UNC13C: variants seen among roughly 807,000 people sequenced by gnomAD.
UNC13C encodes unc-13 homolog C, also known as protein unc-13 homolog C.
UNC13C carries 174 observed loss-of-function variants against 245.4 expected under a neutral mutation model. The ratio of observed to expected loss-of-function variants is 0.71; its 90% CI spans 0.63 to 0.80. UNC13C has a LOEUF of 0.80. Ranked by LOEUF, UNC13C falls within the 30% of genes least tolerant of loss-of-function variation. The probability of loss-of-function intolerance (pLI) is 0.00; values close to 1 mark genes in which losing one functional copy is unlikely to be tolerated. For missense variants in UNC13C, 2,829 were observed against 2,602.9 expected (o/e 1.09, Z -1.89); for synonymous variants, 992 against 895.1 (o/e 1.11, Z -1.93).
At chr15:54,578,802 C>T (rs886358718) in intron 30 of UNC13C, among the ~76,000 whole-genome samples, 9 of 152,158 alleles carry the variant, frequency 5.9e-5, no homozygotes, top group African/African-American at 1.7e-4. Context: ...GTCAGCAGTT[C>T]GAGACCAGCC....
chr15:54,382,298 G>A (rs1398222338), intron 17 of UNC13C, among the ~76,000 whole-genome samples: 2 of 152,120 alleles, frequency 1.3e-5, no homozygotes, highest in East Asian at 1.9e-4. Flanking sequence ...CAAAAAGTGA[G>A]GCTGGGCTCA....
Position 54,437,493 on chromosome 15 carries a change from T to C in UNC13C, c.4933+22426T>C, listed in dbSNP as rs112633923. ...TGTTCACATTACAGCTTTTCCTTCCTTAGATCTATCTAGTTTGTTTATTTT... is the reference window on the plus strand; with the variant it reads ...TGTTCACATTACAGCTTTTCCTTCCCTAGATCTATCTAGTTTGTTTATTTT... On this transcript the variant is annotated intron_variant, in intron 19 of 32. Transcript: ENST00000260323. Among the ~76,000 whole-genome samples, 601 of 152,094 alleles carry C rather than the reference T, an allele frequency of 4.0e-3. 4 individuals carry two copies. The highest frequency in any genetic ancestry group is 0.014 in the African/African-American group (577 of 41,550).
chr15:54,356,547 C>G (rs1030092328), intron 17 of UNC13C, among the ~76,000 whole-genome samples: 4 of 152,138 alleles, frequency 2.6e-5, no homozygotes, highest in African/African-American at 7.2e-5. Flanking sequence ...GTGGGATATG[C>G]TCTCTGCTTC....
intron 2 of UNC13C, among the ~76,000 whole-genome samples, chr15:54,134,049 C>CGTGTGT (rs3082223): frequency 0.013 from 1,999 of 149,552 alleles, 18 homozygotes; most frequent in African/African-American, 0.029. Context: ...TACTGAGTTA[C>CGTGTGT]GTGTGTGTGT....
chr15:54,073,729 G>A (rs975632668), intron 2 of UNC13C, among the ~76,000 whole-genome samples: 1 of 152,056 alleles, frequency 6.6e-6, no homozygotes, highest in Non-Finnish European at 1.5e-5. Flanking sequence ...TGATGGGGTT[G>A]TTTTTTTCTT....
Position 54,500,852 on chromosome 15 carries a change from G to C in UNC13C, c.5175G>C (p.Glu1725Asp). 6.2e-7 allele frequency: 1 copy of C among 1,612,864 alleles called. No homozygotes were observed. The highest frequency in any genetic ancestry group is 1.1e-5 in the South Asian group (1 of 91,052). Residue 1725 changes from glutamate to aspartate, a missense_variant, in exon 22 of 33, where the codon GAG becomes GAC. Coordinates refer to ENST00000260323, the MANE Select transcript of UNC13C (RefSeq NM_001080534.3). ...DKKDGFQQTS[E>D]HALFSCSVVD... is the part of the protein sequence containing the mutation. ...CCCCACAGTTCCAGCAGACATCTGA[G>C]CATGCTCTCTTTTCTTGCTCCGTGG...
At position 54,264,715 on chromosome 15, in the gene UNC13C, T is replaced by C. The variant is rs564759333; in HGVS notation, c.3676+320T>C. 7.5e-4 allele frequency among the ~76,000 whole-genome samples: 114 copies of C among 151,950 alleles called. 1 individual carries two copies. The highest frequency in any genetic ancestry group is 2.6e-3 in the African/African-American group (109 of 41,486). On this transcript the variant is annotated intron_variant, in intron 9 of 32. Coordinates refer to ENST00000260323, the MANE Select transcript of UNC13C (RefSeq NM_001080534.3). ...ATTATAACAGTAGCTAATAATCTGT[T>C]CAGTTAATCTTTTTAAATGAGAAAA...
At chr15:54,187,543 G>A (rs1017323876) in intron 4 of UNC13C, among the ~76,000 whole-genome samples, 5 of 152,066 alleles carry the variant, frequency 3.3e-5, no homozygotes, top group African/African-American at 1.2e-4. Flanking sequence ...CATTGTCTCT[G>A]ATACCCCTCT....
chr15:54,459,795 T>G (rs1413305239), intron 19 of UNC13C, among the ~76,000 whole-genome samples: 1 of 152,118 alleles, frequency 6.6e-6, no homozygotes, highest in Non-Finnish European at 1.5e-5. Flanking sequence ...TTTGCATCCA[T>G]ATTCTTTTTT....
At position 54,458,680 on chromosome 15, in the gene UNC13C, CTT is replaced by C. The variant is rs79291504; in HGVS notation, c.4934-35906_4934-35905del. 9.6e-3 allele frequency among the ~76,000 whole-genome samples: 635 copies of C among 65,940 alleles called. 4 individuals carry two copies. Among genetic ancestry groups the C allele is most frequent in the Middle Eastern group, 0.024 (1 of 42 alleles). 43.3% of individuals were successfully genotyped at this position (65,940 alleles called of 152,430 possible). A position where few individuals can be genotyped will look rare whatever the true frequency, so the allele number is the denominator to read the frequency against. On this transcript the variant is annotated intron_variant, in intron 19 of 32. Transcript: ENST00000260323. ...TTTTAAACTATTGTTCCTTTAAGGTCTTTTTTTTTTTTTTTTTTTTTTTAAGG... is the reference window on the plus strand; with the variant it reads ...TTTTAAACTATTGTTCCTTTAAGGTCTTTTTTTTTTTTTTTTTTTTTAAGG...
chr15:53,924,541 T>A, the UNC13C span, among the ~76,000 whole-genome samples: 6,785 of 152,282 alleles, frequency 0.045, 319 homozygotes, highest in East Asian at 0.22. Context: ...GAGGGTGCAC[T>A]GTATTTTTAG....
intron 19 of UNC13C, among the ~76,000 whole-genome samples, chr15:54,478,532 A>G (rs563532672): frequency 6.7e-4 from 101 of 151,490 alleles, no homozygotes; most frequent in African/African-American, 2.4e-3. Context: ...ATTGGTTTCA[A>G]AGAACATCTT....
chr15:54,454,896 G>A (rs1891390238), intron 19 of UNC13C, among the ~76,000 whole-genome samples: 1 of 151,782 alleles, frequency 6.6e-6, no homozygotes, highest in African/African-American at 2.4e-5. Context: ...GGTGATTTCT[G>A]AGATTTTAGT....
chr15:54,385,220 G>C (rs2039811522), intron 17 of UNC13C, among the ~76,000 whole-genome samples: 1 of 152,124 alleles, frequency 6.6e-6, no homozygotes, highest in African/African-American at 2.4e-5. Context: ...GGTGAACGAT[G>C]CCCACTTTCA....
At chr15:54,419,568 T>C (rs987909180) in intron 19 of UNC13C, among the ~76,000 whole-genome samples, 2 of 152,156 alleles carry the variant, frequency 1.3e-5, no homozygotes, top group African/African-American at 4.8e-5. Context: ...TGTTTAGATA[T>C]TTTTAATTAG....
chr15:54,546,867 A>T, intron 27 of UNC13C, 22 bp downstream of exon 27: 2 of 1,556,580 alleles, frequency 1.3e-6, no homozygotes, highest in Non-Finnish European at 1.7e-6. Context: ...AAGTTTAGTT[A>T]TGCTTTCATT....
At chr15:53,845,503 G>C in the UNC13C span, among the ~76,000 whole-genome samples, 1 of 152,038 alleles carries the variant, frequency 6.6e-6, no homozygotes, top group Non-Finnish European at 1.5e-5. Context: ...AATGTCCTAT[G>C]ATATGAAGTT....
intron 2 of UNC13C, among the ~76,000 whole-genome samples, chr15:54,136,433 T>C (rs1025900703): frequency 6.6e-6 from 1 of 152,224 alleles, no homozygotes; most frequent in Non-Finnish European, 1.5e-5. Flanking sequence ...TTTATCAGTT[T>C]TAAGTTTTTT....
At chr15:54,044,932 T>C (rs1896967852) in intron 2 of UNC13C, among the ~76,000 whole-genome samples, 1 of 152,168 alleles carries the variant, frequency 6.6e-6, no homozygotes, top group African/African-American at 2.4e-5. Context: ...TTTTTTCTTT[T>C]TATTGTTGAA....
Sources: gnomAD v4.1 joint callset for allele counts (sites outside exome capture counted in the v4.1 genomes callset) on GRCh38, gnomAD v4.1.1 for gene constraint, MANE v1.5 for transcripts, NCBI Gene and HGNC (gene_info 2026-07-23, HGNC 2026-07-21) for gene names.